VAT1L: variants seen among roughly 807,000 people sequenced by gnomAD.
VAT1L encodes the protein putative NADPH-dependent quinone oxidoreductase VAT1L.
In VAT1L, 34 loss-of-function variants were observed where a neutral mutation model predicts 44.1. The ratio of observed to expected loss-of-function variants is 0.77; its 90% CI spans 0.59 to 1.03. The LOEUF is 1.03. VAT1L is among the 50% of genes least tolerant of loss of function. VAT1L has a pLI of 0.00. For synonymous variants in VAT1L, 253 were observed against 202.2 expected (o/e 1.25, Z -2.13); for missense variants, 615 against 538.8 (o/e 1.14, Z -1.40).
At chr16:77,940,133 A>T (rs770892364) in intron 7 of VAT1L, among the ~76,000 whole-genome samples, 1 of 152,188 alleles carries the variant, frequency 6.6e-6, no homozygotes, top group Non-Finnish European at 1.5e-5. Context: ...AGCTTTGGCC[A>T]GTGATACGCT....
chr16:77,957,565 A>G (rs950117654), intron 7 of VAT1L, among the ~76,000 whole-genome samples: 1 of 151,952 alleles, frequency 6.6e-6, no homozygotes, highest in African/African-American at 2.4e-5. Flanking sequence ...TCTCTACTAA[A>G]AATACAAAAC....
rs894439162 is a variant in VAT1L, at chr16:77,884,468, G to A, written c.883-140G>A. Reference sequence around the variant, plus strand: ...AAAATAAAAAAATACACCACCAAGAGCAACCCCTTGGCCAGCTGGAATCTG... The same window carrying A: ...AAAATAAAAAAATACACCACCAAGAACAACCCCTTGGCCAGCTGGAATCTG... On this transcript the variant is annotated intron_variant, in intron 6 of 8. Transcript: ENST00000302536. The surrounding 1 kb of genome is among the most constrained non-coding windows in gnomAD (Gnocchi z 4.5). 4.5e-6 allele frequency: 3 copies of A among 659,354 alleles called. No individual in the cohort carries two copies. The highest frequency in any genetic ancestry group is 1.9e-5 in the African/African-American group (1 of 51,850). 40.8% of individuals were successfully genotyped at this position (659,354 alleles called of 1,614,324 possible).
chr16:77,836,032 A>G (rs531706935), intron 3 of VAT1L, among the ~76,000 whole-genome samples: 20 of 152,254 alleles, frequency 1.3e-4, no homozygotes, highest in Non-Finnish European at 2.6e-4. Context: ...CAGTTTCTTC[A>G]TCTGTATAGT....
At chr16:77,849,770 A>C (rs1032319304) in intron 3 of VAT1L, among the ~76,000 whole-genome samples, 2 of 152,106 alleles carry the variant, frequency 1.3e-5, no homozygotes, top group African/African-American at 4.8e-5. Flanking sequence ...GTTAAAACGT[A>C]CTCTGATCCA....
chr16:77,832,361 T>A (rs142121412), intron 3 of VAT1L, among the ~76,000 whole-genome samples: 2 of 152,270 alleles, frequency 1.3e-5, no homozygotes, highest in East Asian at 3.9e-4. Flanking sequence ...TCTAGGCATA[T>A]TCTCCAGCTC....
chr16:77,958,653 A>G (rs1392853344), intron 7 of VAT1L, among the ~76,000 whole-genome samples: 1 of 152,176 alleles, frequency 6.6e-6, no homozygotes, highest in Non-Finnish European at 1.5e-5. Flanking sequence ...TATGAGTTCG[A>G]TTTCTGTAGA....
chr16:77,964,781 T>G (rs892678709), intron 7 of VAT1L, among the ~76,000 whole-genome samples: 2 of 4,150 alleles, frequency 4.8e-4, no homozygotes, highest in Non-Finnish European at 2.5e-3. Flanking sequence ...TTGTAGCACT[T>G]TTTTTTTTTT....
intron 7 of VAT1L, among the ~76,000 whole-genome samples, chr16:77,945,698 C>T (rs1311448359): frequency 6.6e-6 from 1 of 152,138 alleles, no homozygotes; most frequent in Non-Finnish European, 1.5e-5. Context: ...ACTCCCATTA[C>T]CAACAGTAAC....
chr16:77,826,658 T>C (rs2966043), intron 3 of VAT1L, among the ~76,000 whole-genome samples: 143,786 of 152,234 alleles, frequency 0.94, 67,981 homozygotes, highest in East Asian at 1. Flanking sequence ...ATTGCATGCC[T>C]GCTACATGGC....
At chr16:77,791,519 G>T (rs1284572290) in intron 1 of VAT1L, among the ~76,000 whole-genome samples, 2 of 152,148 alleles carry the variant, frequency 1.3e-5, no homozygotes, top group Non-Finnish European at 2.9e-5. Flanking sequence ...TTGAGGCTTG[G>T]AAACATTGAG....
At chr16:77,975,303 G>A (rs1028990101) in intron 8 of VAT1L, among the ~76,000 whole-genome samples, 4 of 142,256 alleles carry the variant, frequency 2.8e-5, no homozygotes, top group South Asian at 2.3e-4. Context: ...TTCGCCTTCC[G>A]GGTTCAAGTA....
intron 7 of VAT1L, among the ~76,000 whole-genome samples, chr16:77,925,970 A>G (rs2017662008): frequency 6.6e-6 from 1 of 152,170 alleles, no homozygotes; most frequent in Admixed American, 6.6e-5. Flanking sequence ...TCATTAAAAA[A>G]TAGGAGTCGG....
chr16:77,862,467 T>A (rs1003508134), intron 3 of VAT1L, among the ~76,000 whole-genome samples: 12 of 151,446 alleles, frequency 7.9e-5, no homozygotes, highest in African/African-American at 2.9e-4. Flanking sequence ...ATACAAAAAA[T>A]TAACCGGGCA....
intron 7 of VAT1L, among the ~76,000 whole-genome samples, chr16:77,970,921 A>C (rs72798814): frequency 0.085 from 12,891 of 152,320 alleles, 591 homozygotes; most frequent in African/African-American, 0.11. Context: ...GGCTAGACGC[A>C]ACATTTAATG....
At chr16:77,889,056 G>C (rs946906074) in intron 7 of VAT1L, among the ~76,000 whole-genome samples, 6 of 152,186 alleles carry the variant, frequency 3.9e-5, no homozygotes, top group African/African-American at 1.4e-4. Context: ...GGCTTGAGGA[G>C]AGTGTAACAT....
chr16:77,878,905 T>C (rs961628940), intron 5 of VAT1L, among the ~76,000 whole-genome samples: 5 of 152,174 alleles, frequency 3.3e-5, no homozygotes, highest in Non-Finnish European at 5.9e-5. Context: ...TTGGCCTACA[T>C]CATATTTTTG....
chr16:77,832,277 G>A (rs1247958268), intron 3 of VAT1L, among the ~76,000 whole-genome samples: 1 of 152,158 alleles, frequency 6.6e-6, no homozygotes, highest in Non-Finnish European at 1.5e-5. Flanking sequence ...AAGAGTTGGA[G>A]AGAAACACGG....
chr16:77,888,209 T>C (rs961061037), intron 7 of VAT1L, among the ~76,000 whole-genome samples: 3 of 152,212 alleles, frequency 2.0e-5, no homozygotes, highest in African/African-American at 7.2e-5. Flanking sequence ...CTTTACTCCA[T>C]TTGATACTCT....
chr16:77,881,890 T>C (rs2017158936), intron 6 of VAT1L, among the ~76,000 whole-genome samples: 1 of 152,192 alleles, frequency 6.6e-6, no homozygotes, highest in Non-Finnish European at 1.5e-5. Flanking sequence ...TTACATACAA[T>C]TGTAAGAAGT....
Sources: gnomAD v4.1 joint callset for allele counts (sites outside exome capture counted in the v4.1 genomes callset) on GRCh38, gnomAD v4.1.1 for gene constraint, Gnocchi (gnomAD v3.1) non-coding constraint, MANE v1.5 for transcripts, NCBI Gene and HGNC (gene_info 2026-07-23, HGNC 2026-07-21) for gene names.